Variants in ZNRF1 observed in about 807,000 individuals in gnomAD.
The protein encoded by ZNRF1 is E3 ubiquitin-protein ligase ZNRF1.
A neutral mutation model predicts 18.4 loss-of-function variants in ZNRF1; 3 were observed. The ratio of observed to expected loss-of-function variants is 0.16; its 90% CI spans 0.07 to 0.42. The LOEUF (loss-of-function observed/expected upper bound fraction) is 0.42, where lower values mean the gene tolerates loss of function less well. Among genes scored for constraint, ZNRF1 ranks in the 10% least tolerant of loss-of-function variants. The pLI is 0.99. For missense variants in ZNRF1, 310 were observed against 329.8 expected, an observed-to-expected ratio of 0.94 and a Z score of 0.47; for synonymous variants, 157 against 144.2, an observed-to-expected ratio of 1.09 and a Z score of -0.64.
chr16:75,072,946 G>A (rs1002279038), intron 1 of ZNRF1, among the ~76,000 whole-genome samples: 2 of 152,146 alleles, frequency 1.3e-5, no homozygotes, highest in Admixed American at 1.3e-4. Context: ...CAGTGCTACT[G>A]TTCATCACAC....
rs2036336680 is a variant in ZNRF1, at chr16:75,107,867, A to G, written c.*167A>G. On this transcript the variant is annotated 3_prime_UTR_variant, in exon 5 of 5. Transcript: ENST00000335325. ...TGGTTCTCCCTTCCTCCCTGAGGAC[A>G]CCAAATTGGATGAGAGCAAGTTTGA... 2.2e-6 allele frequency: 1 copy of G among 452,032 alleles called. No homozygotes were observed. Among genetic ancestry groups the G allele is most frequent in the East Asian group, 7.0e-5 (1 of 14,282 alleles). 28.0% of individuals were successfully genotyped at this position (452,032 alleles called of 1,614,324 possible). A position where few individuals can be genotyped will look rare whatever the true frequency, so the allele number is the denominator to read the frequency against.
At chr16:75,022,795 T>A (rs1283861115) in intron 1 of ZNRF1, among the ~76,000 whole-genome samples, 1 of 152,212 alleles carries the variant, frequency 6.6e-6, no homozygotes, top group African/African-American at 2.4e-5. Context: ...GCTCTTATAG[T>A]ACAGAGAGAA....
chr16:75,091,094 G>C (rs12926440), intron 1 of ZNRF1, among the ~76,000 whole-genome samples: 143,245 of 152,120 alleles, frequency 0.94, 67,532 homozygotes, highest in African/African-American at 0.99. Context: ...TTGGGTGACT[G>C]ATGCCTGTAA....
chr16:75,095,658 C>G lies in ZNRF1; in HGVS notation c.520+1991C>G, dbSNP rs901000011. Reference sequence around the variant, plus strand: ...GAGAAAACCTGGCTCTCAGGAAGAACTTTGCAAGAGCAGCCGTGGAGGACA... The same window carrying G: ...GAGAAAACCTGGCTCTCAGGAAGAAGTTTGCAAGAGCAGCCGTGGAGGACA... On this transcript the variant is annotated intron_variant, in intron 2 of 4. Transcript: ENST00000335325. 6 of 1,550,092 alleles carry G rather than the reference C, an allele frequency of 3.9e-6. No homozygotes were observed. The African/African-American group carries it at 8.2e-5, about 21-fold the overall frequency.
chr16:75,049,931 C>G (rs1346116987), intron 1 of ZNRF1, among the ~76,000 whole-genome samples: 1 of 151,756 alleles, frequency 6.6e-6, no homozygotes, highest in Non-Finnish European at 1.5e-5. Context: ...ATCAAGATAA[C>G]TGTTCCACTA....
rs529383448 is a variant in ZNRF1, at chr16:75,106,785, C to G, written c.*32+214C>G. The G allele has an allele frequency of 9.7e-6, 5 of 515,520 alleles. No individual in the cohort carries two copies. In the East Asian group the frequency reaches 1.8e-4, roughly 18 times the overall value. 31.9% of individuals were successfully genotyped at this position (515,520 alleles called of 1,614,324 possible). On this transcript the variant is annotated intron_variant, in intron 4 of 4. Transcript: ENST00000335325. The stretch of plus-strand genomic sequence containing the variant: ...AACCAACATGGACAGTTATGAAGAA[C>G]AGGCTCAGAAGAGTTAGGATCAGTT...
At chr16:75,043,689 A>G (rs188399918) in intron 1 of ZNRF1, among the ~76,000 whole-genome samples, 3 of 151,960 alleles carry the variant, frequency 2.0e-5, no homozygotes, top group Admixed American at 6.6e-5. Flanking sequence ...ATACACAGGT[A>G]TATATAGCAT....
intron 2 of ZNRF1, chr16:75,095,631 C>G (rs1004304303): frequency 6.5e-7 from 1 of 1,549,836 alleles, no homozygotes; most frequent in African/African-American, 1.4e-5. Flanking sequence ...GGGGCTCAGC[C>G]TGAGAAAACC....
chr16:75,044,188 C>T (rs2035485600), intron 1 of ZNRF1, among the ~76,000 whole-genome samples: 1 of 151,862 alleles, frequency 6.6e-6, no homozygotes. Flanking sequence ...TTAGATGTCA[C>T]CTTCCCTAGG....
chr16:75,073,118 A>AT (rs2035890745), intron 1 of ZNRF1, among the ~76,000 whole-genome samples: 1 of 128,374 alleles, frequency 7.8e-6, no homozygotes, highest in South Asian at 2.8e-4. Flanking sequence ...GTGAGACCCC[A>AT]TCTCTCTCTC....
At chr16:75,013,983 C>T (rs1373448893) in intron 1 of ZNRF1, among the ~76,000 whole-genome samples, 1 of 152,064 alleles carries the variant, frequency 6.6e-6, no homozygotes, top group East Asian at 1.9e-4. Context: ...GCAAACACCA[C>T]CACACCCGAC....
At chr16:75,045,567 GTTT>G (rs2035504535) in intron 1 of ZNRF1, among the ~76,000 whole-genome samples, 1 of 151,962 alleles carries the variant, frequency 6.6e-6, no homozygotes, top group Non-Finnish European at 1.5e-5. Context: ...TTGTTTGTTT[GTTT>G]GTTTGTTTGT....
chr16:75,040,421 G>A (rs2035429241), intron 1 of ZNRF1, among the ~76,000 whole-genome samples: 1 of 151,346 alleles, frequency 6.6e-6, no homozygotes, highest in South Asian at 2.1e-4. Flanking sequence ...CATCTGAAAG[G>A]GCCACTTCAG....
At chr16:75,056,901 T>A (rs918884541) in intron 1 of ZNRF1, among the ~76,000 whole-genome samples, 2 of 152,138 alleles carry the variant, frequency 1.3e-5, no homozygotes, top group African/African-American at 4.8e-5. Flanking sequence ...CCTCCCAAAG[T>A]GCTGGGATTA....
chr16:75,054,245 G>T (rs1464960420), intron 1 of ZNRF1, among the ~76,000 whole-genome samples: 1 of 152,248 alleles, frequency 6.6e-6, no homozygotes, highest in Non-Finnish European at 1.5e-5. Flanking sequence ...CAGAAGTGCA[G>T]TTCCTGGCTT....
intron 1 of ZNRF1, among the ~76,000 whole-genome samples, chr16:75,063,453 C>T (rs773649065): frequency 7.2e-5 from 11 of 152,208 alleles, no homozygotes; most frequent in Non-Finnish European, 1.6e-4. Flanking sequence ...CTCCCACCTC[C>T]ATCCTGCTTG....
intron 1 of ZNRF1, among the ~76,000 whole-genome samples, chr16:75,030,921 A>G (rs2035294232): frequency 7.0e-6 from 1 of 143,202 alleles, no homozygotes; most frequent in South Asian, 2.2e-4. Flanking sequence ...GTTCACTGCA[A>G]CCTCCGCCTC....
At chr16:75,105,788 G>C (rs770517418) in intron 3 of ZNRF1, 1 of 152,260 alleles carries the variant, frequency 6.6e-6, no homozygotes, top group African/African-American at 2.4e-5. Flanking sequence ...AAAATGCCCA[G>C]ATGTTGGTTT....
At chr16:75,040,042 C>CTTTCTTTTTTTTTTTTTTT (rs2035423345) in intron 1 of ZNRF1, among the ~76,000 whole-genome samples, 1 of 78,890 alleles carries the variant, frequency 1.3e-5, no homozygotes, top group Admixed American at 1.9e-4. Flanking sequence ...TCTTTTCTTT[C>CTTTCTTTTTTTTTTTTTTT]TTTTTTTTTT....
Sources: gnomAD v4.1 joint callset for allele counts (sites outside exome capture counted in the v4.1 genomes callset) on GRCh38, gnomAD v4.1.1 for gene constraint, MANE v1.5 for transcripts, NCBI Gene and HGNC (gene_info 2026-07-23, HGNC 2026-07-21) for gene names.